The following PABPC4L variants were observed in gnomAD, a reference collection of about 807,000 sequenced individuals.
The protein encoded by PABPC4L is polyadenylate-binding protein 4-like.
For missense variants in PABPC4L, 452 were observed against 451.4 expected, an observed-to-expected ratio of 1.00 and a Z score of -0.01; for synonymous variants, 169 against 164.1, an observed-to-expected ratio of 1.03 and a Z score of -0.23.
At chr4:134,144,195 C>T in the PABPC4L span, among the ~76,000 whole-genome samples, 1 of 151,294 alleles carries the variant, frequency 6.6e-6, no homozygotes, top group African/African-American at 2.4e-5. Flanking sequence ...AATATTTGAC[C>T]ATCAGAATCA....
At chr4:134,171,547 A>G in the PABPC4L span, among the ~76,000 whole-genome samples, 3,409 of 152,188 alleles carry the variant, frequency 0.022, 128 homozygotes, top group African/African-American at 0.077. Context: ...ATAGTTTGCA[A>G]ACCAACAGCC....
At chr4:134,060,253 GA>G in the PABPC4L span, among the ~76,000 whole-genome samples, 2 of 151,894 alleles carry the variant, frequency 1.3e-5, no homozygotes, top group African/African-American at 4.8e-5. Flanking sequence ...ACATAAACTA[GA>G]AAGGCTGTCT....
the PABPC4L span, among the ~76,000 whole-genome samples, chr4:133,948,536 C>A: frequency 2.0e-5 from 3 of 152,142 alleles, no homozygotes; most frequent in South Asian, 4.1e-4. Flanking sequence ...CCTAGAGAGG[C>A]AAGAGGAGTG....
chr4:134,042,669 A>G, the PABPC4L span, among the ~76,000 whole-genome samples: 2 of 152,118 alleles, frequency 1.3e-5, no homozygotes, highest in African/African-American at 4.8e-5. Flanking sequence ...TGGTGCCTCT[A>G]ATTGGAGTTT....
chr4:134,199,048 T>A lies in PABPC4L; in HGVS notation c.*859A>T, dbSNP rs192219867. 6.6e-6 allele frequency: 1 copy of A among 152,172 alleles called. No homozygotes were observed. Among genetic ancestry groups the A allele is most frequent in the African/African-American group, 2.4e-5 (1 of 41,558 alleles). 9.4% of individuals were successfully genotyped at this position (152,172 alleles called of 1,614,324 possible). A position where few individuals can be genotyped will look rare whatever the true frequency, so the allele number is the denominator to read the frequency against. On this transcript the variant is annotated 3_prime_UTR_variant, in exon 2 of 2. Transcript: ENST00000421491. The stretch of plus-strand genomic sequence containing the variant: ...ACAGAATTTCTATAATCTGTATGTA[T>A]GATTTTCATAATATTAGCATCTGGT...
the PABPC4L span, among the ~76,000 whole-genome samples, chr4:133,969,868 T>C: frequency 2.0e-5 from 3 of 152,064 alleles, no homozygotes; most frequent in African/African-American, 7.2e-5. Context: ...TTTCCTCTTA[T>C]CTCTTTTGAA....
the PABPC4L span, among the ~76,000 whole-genome samples, chr4:134,134,367 T>G: frequency 2.0e-5 from 3 of 152,010 alleles, no homozygotes; most frequent in Non-Finnish European, 2.9e-5. Flanking sequence ...TGTAAGAACT[T>G]AGATTAAAAA....
chr4:134,090,246 A>G, the PABPC4L span, among the ~76,000 whole-genome samples: 16 of 152,170 alleles, frequency 1.1e-4, no homozygotes, highest in African/African-American at 3.9e-4. Context: ...TTCTGTTACA[A>G]TTGCCTGAAT....
At chr4:134,062,898 T>C in the PABPC4L span, among the ~76,000 whole-genome samples, 2 of 152,088 alleles carry the variant, frequency 1.3e-5, no homozygotes, top group Non-Finnish European at 2.9e-5. Context: ...GTAACCTATT[T>C]GGAGAAAAAG....
chr4:133,985,959 T>C, the PABPC4L span, among the ~76,000 whole-genome samples: 1 of 152,228 alleles, frequency 6.6e-6, no homozygotes, highest in East Asian at 1.9e-4. Context: ...GTAAAAATTA[T>C]TAAGCTCTGG....
the PABPC4L span, among the ~76,000 whole-genome samples, chr4:134,088,767 G>A: frequency 6.6e-6 from 1 of 151,828 alleles, no homozygotes; most frequent in Non-Finnish European, 1.5e-5. Context: ...GTAAATTTCT[G>A]GTCTTTATAA....
At chr4:134,121,226 A>T in the PABPC4L span, among the ~76,000 whole-genome samples, 2 of 151,340 alleles carry the variant, frequency 1.3e-5, no homozygotes, top group African/African-American at 4.8e-5. Flanking sequence ...TATATAAATT[A>T]TAATTATTTT....
chr4:134,097,362 C>T, the PABPC4L span, among the ~76,000 whole-genome samples: 5 of 151,844 alleles, frequency 3.3e-5, no homozygotes. Context: ...TTTTTATTCT[C>T]AAGCTGCTAT....
chr4:133,990,486 A>G, the PABPC4L span, among the ~76,000 whole-genome samples: 5 of 152,208 alleles, frequency 3.3e-5, no homozygotes, highest in South Asian at 1.0e-3. Flanking sequence ...AGTGCTGCCA[A>G]ATCTGTCTGG....
the PABPC4L span, among the ~76,000 whole-genome samples, chr4:134,089,539 T>A: frequency 6.6e-6 from 1 of 152,286 alleles, no homozygotes; most frequent in Non-Finnish European, 1.5e-5. Flanking sequence ...ATAATTGTTC[T>A]ATTTTATTAT....
At chr4:134,088,479 G>C in the PABPC4L span, among the ~76,000 whole-genome samples, 1 of 151,996 alleles carries the variant, frequency 6.6e-6, no homozygotes, top group Non-Finnish European at 1.5e-5. Flanking sequence ...CATTGCTATG[G>C]TGTGAATGTG....
At chr4:134,163,973 G>C in the PABPC4L span, among the ~76,000 whole-genome samples, 1 of 152,192 alleles carries the variant, frequency 6.6e-6, no homozygotes, top group South Asian at 2.1e-4. Flanking sequence ...GTTAAAAATA[G>C]AAGTCCTGGG....
the PABPC4L span, among the ~76,000 whole-genome samples, chr4:133,974,041 A>G: frequency 6.6e-6 from 1 of 152,200 alleles, no homozygotes; most frequent in African/African-American, 2.4e-5. Flanking sequence ...TAAGGAAACC[A>G]GAAAGGCCAA....
chr4:134,115,225 T>C, the PABPC4L span, among the ~76,000 whole-genome samples: 2 of 152,022 alleles, frequency 1.3e-5, no homozygotes, highest in East Asian at 3.9e-4. Context: ...TACTTCACAC[T>C]TAGACAATAG....
Sources: allele counts gnomAD v4.1 joint callset (sites outside exome capture counted in the v4.1 genomes callset), GRCh38; gene constraint gnomAD v4.1.1; transcripts MANE v1.5; gene names NCBI Gene and HGNC (gene_info 2026-07-23, HGNC 2026-07-21).